RUNDC3B: variants seen among roughly 807,000 people sequenced by gnomAD.
RUNDC3B encodes the protein RUN domain containing 3B.
RUNDC3B carries 33 observed loss-of-function variants against 58.4 expected under a neutral mutation model. The ratio of observed to expected loss-of-function variants is 0.56; its 90% CI spans 0.43 to 0.75. The LOEUF (loss-of-function observed/expected upper bound fraction) is 0.75. Ranked by LOEUF, RUNDC3B falls within the 30% of genes least tolerant of loss-of-function variation. RUNDC3B has a pLI of 0.00. For missense variants in RUNDC3B, 501 were observed against 535.7 expected (o/e 0.94, Z 0.64); for synonymous variants, 193 against 195.2 (o/e 0.99, Z 0.10).
rs1164824925 is a variant in RUNDC3B at position 87,819,838 on chromosome 7, A to G, written c.1225+3576A>G. On this transcript the variant is annotated intron_variant, in intron 10 of 10. Transcript: ENST00000394654. ...GAAATAAAGATGTTCTTTGAAACCAACGAGAACAAAGACCCAACATACCAG... is the reference window on the plus strand; with the variant it reads ...GAAATAAAGATGTTCTTTGAAACCAGCGAGAACAAAGACCCAACATACCAG... 9.2e-5 allele frequency among the ~76,000 whole-genome samples: 14 copies of G among 152,304 alleles called. No homozygotes were observed. The East Asian group carries it at 2.5e-3, about 27-fold the overall frequency.
At chr7:87,713,458 A>G (rs1024151234) in intron 4 of RUNDC3B, 4 of 152,276 alleles carry the variant, frequency 2.6e-5, no homozygotes, top group Middle Eastern at 3.4e-3. Flanking sequence ...GTACATGACT[A>G]TGGCTCCAAA....
intron 4 of RUNDC3B, among the ~76,000 whole-genome samples, chr7:87,712,752 C>G (rs1197744453): frequency 1.3e-5 from 2 of 151,980 alleles, no homozygotes; most frequent in Non-Finnish European, 2.9e-5. Context: ...TAAAAATATT[C>G]CTGTAACCAT....
intron 9 of RUNDC3B, among the ~76,000 whole-genome samples, chr7:87,809,908 A>T (rs1836620523): frequency 6.6e-6 from 1 of 152,196 alleles, no homozygotes; most frequent in Non-Finnish European, 1.5e-5. Context: ...TTTTGATTTG[A>T]CCAATACCTT....
At chr7:87,664,084 G>T (rs1480297096) in intron 2 of RUNDC3B, among the ~76,000 whole-genome samples, 3 of 152,042 alleles carry the variant, frequency 2.0e-5, no homozygotes, top group African/African-American at 7.2e-5. Context: ...TGTAGCTATT[G>T]GCTTACATGT....
At chr7:87,753,624 T>C (rs188156992) in intron 6 of RUNDC3B, among the ~76,000 whole-genome samples, 2 of 152,342 alleles carry the variant, frequency 1.3e-5, no homozygotes, top group African/African-American at 4.8e-5. Context: ...TTTACCGTTA[T>C]GTAATGGCCT....
chr7:87,828,682 C>T (rs1837971052), intron 10 of RUNDC3B, among the ~76,000 whole-genome samples: 1 of 152,118 alleles, frequency 6.6e-6, no homozygotes, highest in South Asian at 2.1e-4. Flanking sequence ...CTATGATGAA[C>T]ATATGAGTGC....
intron 4 of RUNDC3B, among the ~76,000 whole-genome samples, chr7:87,731,699 A>G (rs1831588104): frequency 1.3e-5 from 2 of 152,254 alleles, no homozygotes; most frequent in Non-Finnish European, 2.9e-5. Flanking sequence ...TAAAGGGGTC[A>G]GCTCAGCAAG....
intron 8 of RUNDC3B, among the ~76,000 whole-genome samples, chr7:87,787,940 C>G (rs1165374881): frequency 6.6e-6 from 1 of 152,156 alleles, no homozygotes; most frequent in East Asian, 1.9e-4. Context: ...CTTTTGAGTT[C>G]TGATTTCCAA....
intron 2 of RUNDC3B, among the ~76,000 whole-genome samples, chr7:87,651,968 G>C (rs767189849): frequency 6.6e-6 from 1 of 151,832 alleles, no homozygotes; most frequent in Non-Finnish European, 1.5e-5. Context: ...CCTTTTTGCT[G>C]TTCTGTGTTT....
At chr7:87,632,943 A>G (rs533770763) in intron 1 of RUNDC3B, among the ~76,000 whole-genome samples, 53 of 152,218 alleles carry the variant, frequency 3.5e-4, no homozygotes, top group Non-Finnish European at 6.2e-4. Flanking sequence ...TGTAGCTAGG[A>G]GGGACTAATA....
At chr7:87,670,487 C>T (rs1381086950) in intron 2 of RUNDC3B, among the ~76,000 whole-genome samples, 1 of 152,188 alleles carries the variant, frequency 6.6e-6, no homozygotes, top group Non-Finnish European at 1.5e-5. Flanking sequence ...TCAGCCAGTA[C>T]AGCCTGATTA....
chr7:87,766,892 T>C (rs1442733847), intron 6 of RUNDC3B, among the ~76,000 whole-genome samples: 1 of 152,126 alleles, frequency 6.6e-6, no homozygotes, highest in African/African-American at 2.4e-5. Context: ...AAGTTGTAGG[T>C]TTGGTTGCTT....
intron 6 of RUNDC3B, among the ~76,000 whole-genome samples, chr7:87,760,360 G>A (rs1421002374): frequency 2.0e-5 from 3 of 152,058 alleles, no homozygotes; most frequent in African/African-American, 7.2e-5. Flanking sequence ...AGATATACTT[G>A]TTAATGAATT....
intron 10 of RUNDC3B, among the ~76,000 whole-genome samples, chr7:87,821,792 A>T (rs1461205622): frequency 1.3e-5 from 2 of 152,246 alleles, no homozygotes; most frequent in African/African-American, 4.8e-5. Context: ...CAATGGGGAA[A>T]GGATTCCCTA....
intron 7 of RUNDC3B, among the ~76,000 whole-genome samples, chr7:87,772,748 T>A (rs748672120): frequency 2.0e-5 from 3 of 152,034 alleles, no homozygotes; most frequent in Non-Finnish European, 2.9e-5. Context: ...AAATGCAAAT[T>A]ACATATAACC....
intron 6 of RUNDC3B, among the ~76,000 whole-genome samples, chr7:87,763,285 A>G (rs1215326702): frequency 1.3e-5 from 2 of 151,678 alleles, no homozygotes; most frequent in Non-Finnish European, 3.0e-5. Flanking sequence ...AAAAATTTCT[A>G]AAGTAGGCAT....
chr7:87,783,242 T>C (rs888660958), intron 8 of RUNDC3B, among the ~76,000 whole-genome samples: 93 of 152,236 alleles, frequency 6.1e-4, no homozygotes, highest in African/African-American at 2.2e-3. Context: ...TTTATCATTA[T>C]GTAATGACCG....
intron 8 of RUNDC3B, among the ~76,000 whole-genome samples, chr7:87,783,235 A>T (rs1234209828): frequency 4.0e-5 from 6 of 151,812 alleles, no homozygotes; most frequent in Admixed American, 2.0e-4. Flanking sequence ...TGAACTCTTT[A>T]TCATTATGTA....
At chr7:87,742,882 G>A (rs1007155069) in intron 6 of RUNDC3B, among the ~76,000 whole-genome samples, 1 of 152,046 alleles carries the variant, frequency 6.6e-6, no homozygotes, top group African/African-American at 2.4e-5. Flanking sequence ...GGGAGGCCGA[G>A]GTGGGCGGAT....
Sources: allele counts gnomAD v4.1 joint callset (sites outside exome capture counted in the v4.1 genomes callset), GRCh38; gene constraint gnomAD v4.1.1; transcripts MANE v1.5; gene names NCBI Gene and HGNC (gene_info 2026-07-23, HGNC 2026-07-21).